The following NDST1 variants were observed in gnomAD, a reference collection of about 807,000 sequenced individuals.
NDST1 encodes the protein bifunctional heparan sulfate N-deacetylase/N-sulfotransferase 1.
A neutral mutation model predicts 92.8 loss-of-function variants in NDST1; 35 were observed. The observed-to-expected ratio is 0.38, with a 90% CI of 0.29 to 0.50. The LOEUF is 0.50. Among genes scored for constraint, NDST1 ranks in the 20% least tolerant of loss-of-function variants. The probability of loss-of-function intolerance (pLI) is 0.94; values close to 1 mark genes in which losing one functional copy is unlikely to be tolerated. For synonymous variants in NDST1, 493 were observed against 500.3 expected, an observed-to-expected ratio of 0.99 and a Z score of 0.19; for missense variants, 822 against 1,182.7, an observed-to-expected ratio of 0.69 and a Z score of 4.47.
chr5:150,537,110 C>G (rs1464102892), intron 6 of NDST1, among the ~76,000 whole-genome samples: 3 of 152,240 alleles, frequency 2.0e-5, no homozygotes, highest in African/African-American at 7.2e-5. Flanking sequence ...ATTTCCTATG[C>G]CTGTCTTTAC....
At chr5:150,509,237 G>A (rs1005424008) in intron 1 of NDST1, among the ~76,000 whole-genome samples, 2 of 152,218 alleles carry the variant, frequency 1.3e-5, no homozygotes, top group Non-Finnish European at 2.9e-5. Flanking sequence ...GGAGGGTGGG[G>A]GCTAGTGGTG....
At chr5:150,532,688 G>A (rs1164653347) in intron 3 of NDST1, among the ~76,000 whole-genome samples, 2 of 151,984 alleles carry the variant, frequency 1.3e-5, no homozygotes, top group Non-Finnish European at 2.9e-5. Flanking sequence ...CACCATGCCC[G>A]GCTAATTTTT....
In NDST1 at chr5:150,531,373, C is replaced by T. The variant is rs553421152; in HGVS notation, c.1009-1572C>T. On this transcript the variant is annotated intron_variant, in intron 3 of 14. Coordinates refer to ENST00000261797, the MANE Select transcript of NDST1 (RefSeq NM_001543.5). ...GGCCACACAGCTGGAGCATGCACGT[C>T]CACCAGGCGGTGCACGGCCCTGGTA... Among the ~76,000 whole-genome samples the T allele has an allele frequency of 2.0e-5, 3 of 152,310 alleles. No homozygotes were observed. In the South Asian group the frequency reaches 6.2e-4, roughly 32 times the overall value.
chr5:150,527,914 C>T lies in NDST1; in HGVS notation c.624C>T (p.Tyr208=), dbSNP rs200548878. The part of the protein sequence containing the change: ...CSINPKSPLL[Y]VTRPSEVEKG... ...TCAACCCCAAGTCCCCGCTGCTCTACGTGACGCGACCTAGCGAGGTGGAGA... is the reference window on the plus strand; with the variant it reads ...TCAACCCCAAGTCCCCGCTGCTCTATGTGACGCGACCTAGCGAGGTGGAGA... The change falls in exon 3 of 15, where the codon TAC becomes TAT. Residue 208 remains tyrosine (Y), a synonymous_variant. Transcript: ENST00000261797. 75 of 1,614,226 alleles carry T rather than the reference C, an allele frequency of 4.6e-5. No individual in the cohort carries two copies. Among genetic ancestry groups the T allele is most frequent in the East Asian group, 1.1e-4 (5 of 44,886 alleles).
chr5:150,522,320 A>G (rs1314228741), intron 2 of NDST1, among the ~76,000 whole-genome samples: 2 of 152,046 alleles, frequency 1.3e-5, no homozygotes, highest in African/African-American at 4.8e-5. Flanking sequence ...ATGAGGAGAA[A>G]GAGGAGAATG....
chr5:150,510,047 A>C (rs1459169537), intron 1 of NDST1, among the ~76,000 whole-genome samples: 1 of 140,176 alleles, frequency 7.1e-6, no homozygotes, highest in African/African-American at 2.6e-5. Flanking sequence ...CAGAAGGGTA[A>C]CGAACAGGGG....
chr5:150,544,620 C>T (rs1755398073), intron 10 of NDST1, among the ~76,000 whole-genome samples: 1 of 152,222 alleles, frequency 6.6e-6, no homozygotes, highest in South Asian at 2.1e-4. Flanking sequence ...CTTTGCTTCC[C>T]ACAAGCCCCA....
At chr5:150,516,882 T>C (rs367687632) in intron 1 of NDST1, among the ~76,000 whole-genome samples, 16 of 152,130 alleles carry the variant, frequency 1.1e-4, no homozygotes, top group African/African-American at 3.9e-4. Context: ...GTCAGGCCGG[T>C]CTTGAACTCC....
chr5:150,523,974 T>G (rs1388860356), intron 2 of NDST1, among the ~76,000 whole-genome samples: 1 of 152,196 alleles, frequency 6.6e-6, no homozygotes, highest in Non-Finnish European at 1.5e-5. Context: ...CCACTCTTTC[T>G]GCAAGACCAA....
intron 11 of NDST1, among the ~76,000 whole-genome samples, chr5:150,547,961 G>A (rs1040151447): frequency 5.9e-5 from 9 of 152,136 alleles, no homozygotes; most frequent in African/African-American, 2.2e-4. Context: ...TGGGATTACA[G>A]GCATGAGCCA....
intron 1 of NDST1, among the ~76,000 whole-genome samples, chr5:150,516,976 A>AGTGTGTGTGTGTGT (rs56170880): frequency 1.2e-4 from 17 of 143,762 alleles, no homozygotes; most frequent in East Asian, 2.1e-4. Flanking sequence ...GACATTTTCT[A>AGTGTGTGTGTGTGT]GTGTGTGTGT....
At chr5:150,537,754 G>A (rs770047005) in intron 6 of NDST1, among the ~76,000 whole-genome samples, 2 of 152,116 alleles carry the variant, frequency 1.3e-5, no homozygotes, top group Non-Finnish European at 2.9e-5. Flanking sequence ...CTCCCCTTTC[G>A]AAAATCACTA....
chr5:150,547,557 A>G (rs1203552404), intron 11 of NDST1, among the ~76,000 whole-genome samples: 1 of 152,214 alleles, frequency 6.6e-6, no homozygotes, highest in Non-Finnish European at 1.5e-5. Flanking sequence ...TCTGATTTCC[A>G]TAAAGGAGAA....
At position 150,521,191 on chromosome 5, in the gene NDST1, G is replaced by C; in HGVS notation, c.-64G>C. The C allele has an allele frequency of 1.4e-6, 2 of 1,462,792 alleles. No individual in the cohort carries two copies. Among genetic ancestry groups the C allele is most frequent in the South Asian group, 2.4e-5 (2 of 82,516 alleles). The allele number at this position is 1,462,792 out of a possible 1,614,324, so 90.6% of individuals were successfully genotyped here. On this transcript the variant is annotated 5_prime_UTR_variant, in exon 2 of 15. Transcript: ENST00000261797. This position sits in a 1 kb window ranked among gnomAD's most constrained non-coding sequence, Gnocchi z 5.9. Reference sequence around the variant, plus strand: ...GTGGACGATTCTCGTGTCTCCTCCTGTGTGGGGCCTTGGGGTAGCCAGGGC... The same window carrying C: ...GTGGACGATTCTCGTGTCTCCTCCTCTGTGGGGCCTTGGGGTAGCCAGGGC...
Position 150,542,968 on chromosome 5 carries a change from A to T in NDST1, c.1967A>T (p.Asp656Val), listed in dbSNP as rs1329246951. 6.2e-7 allele frequency: 1 copy of T among 1,613,862 alleles called. No homozygotes were observed. The highest frequency in any genetic ancestry group is 1.3e-5 in the African/African-American group (1 of 74,920). Residue 656 changes from aspartate (D) to valine (V), a missense_variant, in exon 10 of 15, where the codon GAC becomes GTC. Asp to Val is a radical substitution (Grantham distance 152). Transcript: ENST00000261797. ...FNGHNYHKGI[D>V]WYMEFFPIPS... ...GGCCACAACTATCACAAAGGCATCGACTGGTGAGTTGGCCTTTCTGTCCAC... is the reference window on the plus strand; with the variant it reads ...GGCCACAACTATCACAAAGGCATCGTCTGGTGAGTTGGCCTTTCTGTCCAC...
In NDST1 at chr5:150,548,245, G is replaced by A. The variant is rs1394016276; in HGVS notation, c.2173G>A (p.Ala725Thr). The change falls in exon 12 of 15, where the codon GCC becomes ACC. Residue 725 changes from alanine to threonine, a missense_variant. Physicochemically the swap from Ala to Thr is moderately conservative, Grantham distance 58. Transcript: ENST00000261797. ...QHQRAHDDPV[A>T]LKYTFHEVIT... Reference sequence around the variant, plus strand: ...CCAGCGAGCCCATGACGACCCAGTGGCCCTAAAGTACACCTTCCATGAGGT... The same window carrying A: ...CCAGCGAGCCCATGACGACCCAGTGACCCTAAAGTACACCTTCCATGAGGT... 2.0e-5 allele frequency: 32 copies of A among 1,614,066 alleles called. No homozygotes were observed. Among genetic ancestry groups the A allele is most frequent in the Non-Finnish European group, 2.5e-5 (30 of 1,180,046 alleles).
intron 1 of NDST1, among the ~76,000 whole-genome samples, chr5:150,514,929 G>A (rs1753892057): frequency 6.6e-6 from 1 of 152,212 alleles, no homozygotes; most frequent in Non-Finnish European, 1.5e-5. Flanking sequence ...TGGCACCCGG[G>A]CACTGGGGGA....
intron 2 of NDST1, among the ~76,000 whole-genome samples, chr5:150,522,391 G>A (rs1377469266): frequency 1.3e-5 from 2 of 152,062 alleles, no homozygotes; most frequent in African/African-American, 2.4e-5. Context: ...AATGACCGCC[G>A]GGATTGGGGT....
chr5:150,541,710 G>A (rs1755257863), intron 9 of NDST1, 44 bp downstream of exon 9: 1 of 1,566,882 alleles, frequency 6.4e-7, no homozygotes, highest in African/African-American at 1.4e-5. Flanking sequence ...ACTGCCTGCT[G>A]TCTCAGCCAC....
Sources: allele counts gnomAD v4.1 joint callset (sites outside exome capture counted in the v4.1 genomes callset), GRCh38; gene constraint gnomAD v4.1.1; non-coding constraint Gnocchi (gnomAD v3.1); transcripts MANE v1.5; gene names NCBI Gene and HGNC (gene_info 2026-07-23, HGNC 2026-07-21).